Variants in NXPH1 observed in about 807,000 individuals in gnomAD.
NXPH1 encodes neurexophilin-1.
A neutral mutation model predicts 23.7 loss-of-function variants in NXPH1; 5 were observed. The observed-to-expected ratio is 0.21, with a 90% CI of 0.11 to 0.44. NXPH1 has a LOEUF of 0.44. Among genes scored for constraint, NXPH1 ranks in the 20% least tolerant of loss-of-function variants. The probability of loss-of-function intolerance (pLI) is 0.99; values close to 1 mark genes in which losing one functional copy is unlikely to be tolerated. For missense variants in NXPH1, 324 were observed against 321.6 expected (o/e 1.01, Z -0.06); for synonymous variants, 144 against 122.2 (o/e 1.18, Z -1.18).
chr7:8,494,010 T>C (rs1168369996), intron 2 of NXPH1, among the ~76,000 whole-genome samples: 1 of 152,044 alleles, frequency 6.6e-6, no homozygotes, highest in South Asian at 2.1e-4. Flanking sequence ...ATTTTTATAA[T>C]CATGTTTTAA....
intron 2 of NXPH1, among the ~76,000 whole-genome samples, chr7:8,644,795 C>T (rs1820369579): frequency 6.6e-6 from 1 of 152,114 alleles, no homozygotes; most frequent in African/African-American, 2.4e-5. Flanking sequence ...AGCACATCTT[C>T]CTCCTCTCCA....
intron 2 of NXPH1, among the ~76,000 whole-genome samples, chr7:8,591,008 C>A (rs1819083602): frequency 6.6e-6 from 1 of 152,040 alleles, no homozygotes; most frequent in Admixed American, 6.6e-5. Flanking sequence ...CTGGAAAGTG[C>A]TCATGCAGTT....
intron 2 of NXPH1, among the ~76,000 whole-genome samples, chr7:8,726,002 A>G (rs796728171): frequency 1.3e-5 from 2 of 152,340 alleles, no homozygotes; most frequent in African/African-American, 4.8e-5. Context: ...TCCTTCTAAC[A>G]AAAGGCTTCC....
intron 2 of NXPH1, among the ~76,000 whole-genome samples, chr7:8,655,904 G>T (rs1393222430): frequency 6.6e-6 from 1 of 152,132 alleles, no homozygotes; most frequent in East Asian, 1.9e-4. Flanking sequence ...TTACTCCACT[G>T]TGTTCCCTTG....
intron 2 of NXPH1, among the ~76,000 whole-genome samples, chr7:8,536,884 G>A (rs1563339163): frequency 6.6e-6 from 1 of 151,950 alleles, no homozygotes; most frequent in Non-Finnish European, 1.5e-5. Flanking sequence ...TTTCTGGTAT[G>A]AGTATCCAGA....
At chr7:8,611,099 CT>C (rs1461707203) in intron 2 of NXPH1, among the ~76,000 whole-genome samples, 1 of 152,032 alleles carries the variant, frequency 6.6e-6, no homozygotes, top group Non-Finnish European at 1.5e-5. Flanking sequence ...TCATTTTTTC[CT>C]TTTATTTCTA....
chr7:8,457,218 C>T (rs12702753), intron 2 of NXPH1, among the ~76,000 whole-genome samples: 3,523 of 152,254 alleles, frequency 0.023, 58 homozygotes, highest in Non-Finnish European at 0.037. Context: ...CTTTACTGTG[C>T]AACCATTTTA....
chr7:8,654,011 T>G (rs146842425), intron 2 of NXPH1, among the ~76,000 whole-genome samples: 2 of 152,314 alleles, frequency 1.3e-5, no homozygotes, highest in East Asian at 3.9e-4. Flanking sequence ...TAATTGGGCT[T>G]TCATTGTAGT....
chr7:8,481,105 G>C (rs1817065956), intron 2 of NXPH1, among the ~76,000 whole-genome samples: 1 of 152,152 alleles, frequency 6.6e-6, no homozygotes, highest in South Asian at 2.1e-4. Flanking sequence ...GATGTTGGTT[G>C]AGAGTTCTGA....
intron 2 of NXPH1, among the ~76,000 whole-genome samples, chr7:8,474,476 T>G (rs1316988548): frequency 1.3e-5 from 2 of 152,128 alleles, no homozygotes; most frequent in Admixed American, 6.6e-5. Context: ...TGATTATACA[T>G]CTTTCTGTCT....
chr7:8,587,676 A>G (rs2349492), intron 2 of NXPH1, among the ~76,000 whole-genome samples: 64,959 of 151,788 alleles, frequency 0.43, 16,508 homozygotes, highest in African/African-American at 0.72. Flanking sequence ...TGATGTTCCC[A>G]TCCCTGTGTC....
chr7:8,640,865 G>T (rs550731015), intron 2 of NXPH1, among the ~76,000 whole-genome samples: 1 of 152,166 alleles, frequency 6.6e-6, no homozygotes, highest in South Asian at 2.1e-4. Context: ...GGGGCTGTTG[G>T]ATCTCTTGAG....
rs201038353 is a variant in NXPH1, at chr7:8,580,380, T to C, written c.54+144613T>C. Among the ~76,000 whole-genome samples the C allele has an allele frequency of 9.2e-5, 14 of 152,230 alleles. 1 individual carries two copies. The East Asian group carries it at 2.5e-3, about 27-fold the overall frequency. On this transcript the variant is annotated intron_variant, in intron 2 of 2. Transcript: ENST00000405863. The stretch of plus-strand genomic sequence containing the variant: ...GAGACAGGATGTTACTAACATCCAC[T>C]TACTCTTGGCAGAAAAAGATTAGGA...
chr7:8,730,039 A>G (rs1426764012), intron 2 of NXPH1, among the ~76,000 whole-genome samples: 2 of 152,174 alleles, frequency 1.3e-5, no homozygotes, highest in Admixed American at 6.6e-5. Flanking sequence ...TTGGGTGCAT[A>G]TATATTTAAG....
chr7:8,720,518 C>G (rs1779953914), intron 2 of NXPH1, among the ~76,000 whole-genome samples: 1 of 152,110 alleles, frequency 6.6e-6, no homozygotes, highest in African/African-American at 2.4e-5. Context: ...TAATGTCAGC[C>G]TCAGACTGAA....
intron 2 of NXPH1, among the ~76,000 whole-genome samples, chr7:8,472,739 G>A (rs1816889118): frequency 6.6e-6 from 1 of 152,174 alleles, no homozygotes; most frequent in African/African-American, 2.4e-5. Flanking sequence ...CTTATAAAGA[G>A]TTAAACTAGG....
At chr7:8,732,766 G>C (rs1041670577) in intron 2 of NXPH1, among the ~76,000 whole-genome samples, 18 of 152,122 alleles carry the variant, frequency 1.2e-4, no homozygotes, top group Admixed American at 3.3e-4. Context: ...CTCCTTGTTA[G>C]TGGTGAATCA....
At chr7:8,649,691 T>A (rs2214585) in intron 2 of NXPH1, among the ~76,000 whole-genome samples, 1 of 151,992 alleles carries the variant, frequency 6.6e-6, no homozygotes, top group Non-Finnish European at 1.5e-5. Flanking sequence ...GAGTTTGAAG[T>A]TTAGCAGATG....
chr7:8,534,431 T>A lies in NXPH1; in HGVS notation c.54+98664T>A, dbSNP rs567665134. On this transcript the variant is annotated intron_variant, in intron 2 of 2. Transcript: ENST00000405863. ...AGAAATTGTAGACTGTGTAAAAACA[T>A]CTTCCACACCAATAATAATCTCCCA... Among the ~76,000 whole-genome samples the A allele has an allele frequency of 2.6e-5, 4 of 152,256 alleles. No homozygotes were observed. The East Asian group carries it at 7.7e-4, about 29-fold the overall frequency.
Sources: allele counts gnomAD v4.1 joint callset (sites outside exome capture counted in the v4.1 genomes callset), GRCh38; gene constraint gnomAD v4.1.1; transcripts MANE v1.5; gene names NCBI Gene and HGNC (gene_info 2026-07-23, HGNC 2026-07-21).